The following SRPK2 variants were observed in gnomAD, a reference collection of about 807,000 sequenced individuals.
SRPK2 encodes the protein SFRS protein kinase 2.
SRPK2 carries 21 observed loss-of-function variants against 90.8 expected under a neutral mutation model. The ratio of observed to expected loss-of-function variants is 0.23; its 90% CI spans 0.16 to 0.33. SRPK2 has a LOEUF of 0.33. Ranked by LOEUF, SRPK2 falls within the 10% of genes least tolerant of loss-of-function variation. SRPK2 has a pLI of 1.00. For missense variants in SRPK2, 620 were observed against 869.0 expected, an observed-to-expected ratio of 0.71 and a Z score of 3.60; for synonymous variants, 288 against 311.1, an observed-to-expected ratio of 0.93 and a Z score of 0.78.
intron 2 of SRPK2, among the ~76,000 whole-genome samples, chr7:105,334,013 TC>T (rs1448588488): frequency 6.6e-6 from 1 of 151,554 alleles, no homozygotes; most frequent in African/African-American, 2.4e-5. Context: ...ACCTCCGCCT[TC>T]CGGTTTCAAG....
At chr7:105,351,110 TG>T (rs1817122203) in intron 2 of SRPK2, among the ~76,000 whole-genome samples, 1 of 152,132 alleles carries the variant, frequency 6.6e-6, no homozygotes, top group Non-Finnish European at 1.5e-5. Context: ...AACCTATTCA[TG>T]GATTAATGAG....
chr7:105,362,349 T>G (rs1190819779), intron 2 of SRPK2, among the ~76,000 whole-genome samples: 1 of 151,996 alleles, frequency 6.6e-6, no homozygotes, highest in Non-Finnish European at 1.5e-5. Context: ...GGCTCACGCC[T>G]GTAGTCCCAG....
At chr7:105,206,015 G>A (rs768523321) in intron 2 of SRPK2, 7 of 518,696 alleles carry the variant, frequency 1.3e-5, no homozygotes, top group East Asian at 5.4e-5. Context: ...GCCAGTGCAC[G>A]GCACTACTGT....
At chr7:105,311,518 C>T (rs1217230936) in intron 2 of SRPK2, among the ~76,000 whole-genome samples, 1 of 152,186 alleles carries the variant, frequency 6.6e-6, no homozygotes. Flanking sequence ...CAGGCCTGAG[C>T]CACTCCACCT....
chr7:105,258,193 C>T (rs1463509799), intron 2 of SRPK2, among the ~76,000 whole-genome samples: 10 of 151,250 alleles, frequency 6.6e-5, no homozygotes, highest in African/African-American at 2.2e-4. Context: ...CCGAGGCAGG[C>T]GGATCACGAG....
intron 2 of SRPK2, among the ~76,000 whole-genome samples, chr7:105,210,118 T>C (rs1391557172): frequency 6.6e-6 from 1 of 152,216 alleles, no homozygotes; most frequent in Admixed American, 6.5e-5. Context: ...CAGCTGCTAC[T>C]GCGTATTTCT....
chr7:105,119,603 A>T (rs1313627649), intron 15 of SRPK2, among the ~76,000 whole-genome samples: 1 of 152,236 alleles, frequency 6.6e-6, no homozygotes, highest in Non-Finnish European at 1.5e-5. Flanking sequence ...TCGCATCCAG[A>T]CTAGACATCA....
chr7:105,354,372 G>C (rs1000878978), intron 2 of SRPK2, among the ~76,000 whole-genome samples: 1 of 152,220 alleles, frequency 6.6e-6, no homozygotes, highest in Non-Finnish European at 1.5e-5. Context: ...TGTACTCAGA[G>C]ATGCTTTTTT....
chr7:105,296,473 A>T (rs17640711), intron 2 of SRPK2, among the ~76,000 whole-genome samples: 66,620 of 152,062 alleles, frequency 0.44, 15,869 homozygotes, highest in South Asian at 0.53. Context: ...TTAGTGTATA[A>T]GATTTTAAAA....
chr7:105,388,874 G>A lies in SRPK2; in HGVS notation c.-68C>T, dbSNP rs1311345936. On this transcript the variant is annotated 5_prime_UTR_variant, in exon 1 of 16. Coordinates refer to ENST00000393651, the MANE Select transcript of SRPK2 (RefSeq NM_182692.3). ...CGCGGGCGCCGAGACGAGCTGGGCT[G>A]CAGCCTCCACTCGCTCCGCCGGCCG... The A allele has an allele frequency of 1.6e-6, 2 of 1,273,474 alleles. No homozygotes were observed. The highest frequency in any genetic ancestry group is 2.0e-6 in the Non-Finnish European group (2 of 1,014,912). 78.9% of individuals were successfully genotyped at this position (1,273,474 alleles called of 1,614,324 possible). A position where few individuals can be genotyped will look rare whatever the true frequency, so the allele number is the denominator to read the frequency against.
At chr7:105,388,567 G>C in intron 2 of SRPK2, 81 bp downstream of exon 2, 1 of 1,340,704 alleles carries the variant, frequency 7.5e-7, no homozygotes, top group Non-Finnish European at 1.0e-6. Context: ...CCGGGGACCC[G>C]GACAACTTTC....
chr7:105,137,632 C>T (rs1401959954), intron 11 of SRPK2, among the ~76,000 whole-genome samples: 2 of 152,184 alleles, frequency 1.3e-5, no homozygotes, highest in African/African-American at 4.8e-5. Flanking sequence ...CCAAGATACA[C>T]ACTAAGGCTC....
rs567279600 is a variant in SRPK2, at chr7:105,163,718, G to A, written c.515-3105C>T. On this transcript the variant is annotated intron_variant, in intron 6 of 15. Coordinates refer to ENST00000393651, the MANE Select transcript of SRPK2 (RefSeq NM_182692.3). ...CCCAGCTACTCAGGAGGCTGAGGCAGGAGAATCTCTTGAACCCGGGAGGCG... is the reference window on the plus strand; with the variant it reads ...CCCAGCTACTCAGGAGGCTGAGGCAAGAGAATCTCTTGAACCCGGGAGGCG... 2.8e-3 allele frequency among the ~76,000 whole-genome samples: 424 copies of A among 152,276 alleles called. 1 individual carries two copies. The highest frequency in any genetic ancestry group is 9.5e-3 in the African/African-American group (394 of 41,552).
At chr7:105,343,561 C>T (rs535031177) in intron 2 of SRPK2, among the ~76,000 whole-genome samples, 1 of 152,322 alleles carries the variant, frequency 6.6e-6, no homozygotes, top group Non-Finnish European at 1.5e-5. Context: ...GTGTCCAATC[C>T]TCCACCAGAA....
chr7:105,391,890 C>T (rs1358815343), upstream of SRPK2, among the ~76,000 whole-genome samples: 3 of 152,108 alleles, frequency 2.0e-5, no homozygotes, highest in Non-Finnish European at 4.4e-5. Flanking sequence ...GATACTCAAA[C>T]AAATCTTTGT....
At position 105,224,350 on chromosome 7, in the gene SRPK2, C is replaced by T. The variant is rs1798458870; in HGVS notation, c.72-20565G>A. The stretch of plus-strand genomic sequence containing the variant: ...TTAAGGTGGGTGCAGTGGCTCACAC[C>T]TGTCATCCTAGGACTTTGGGACTCT... On this transcript the variant is annotated intron_variant, in intron 2 of 15. Coordinates refer to ENST00000393651, the MANE Select transcript of SRPK2 (RefSeq NM_182692.3). 3.9e-5 allele frequency among the ~76,000 whole-genome samples: 6 copies of T among 152,160 alleles called. No homozygotes were observed. In the South Asian group the frequency reaches 1.2e-3, roughly 32 times the overall value.
intron 2 of SRPK2, among the ~76,000 whole-genome samples, chr7:105,351,497 T>A (rs1687814979): frequency 9.8e-6 from 1 of 102,218 alleles, no homozygotes; most frequent in African/African-American, 3.9e-5. Flanking sequence ...GTCTCAAAAA[T>A]AATAATAATA....
chr7:105,247,003 T>C (rs1379989497), intron 2 of SRPK2, among the ~76,000 whole-genome samples: 4 of 152,200 alleles, frequency 2.6e-5, no homozygotes, highest in African/African-American at 9.6e-5. Context: ...CTAGTTCTAC[T>C]GGAGTGGGCC....
At chr7:105,269,440 T>C (rs1805530602) in intron 2 of SRPK2, among the ~76,000 whole-genome samples, 1 of 152,224 alleles carries the variant, frequency 6.6e-6, no homozygotes, top group Admixed American at 6.5e-5. Flanking sequence ...ACACATTTAA[T>C]ATCTAGTGTT....
Sources: allele counts gnomAD v4.1 joint callset (sites outside exome capture counted in the v4.1 genomes callset), GRCh38; gene constraint gnomAD v4.1.1; transcripts MANE v1.5; gene names NCBI Gene and HGNC (gene_info 2026-07-23, HGNC 2026-07-21).